Variants in EXOC6B observed in about 807,000 individuals in gnomAD.
The protein encoded by EXOC6B is exocyst complex component 6B.
In EXOC6B, 54 loss-of-function variants were observed where a neutral mutation model predicts 113.5. The observed-to-expected ratio is 0.48, with a 90% CI of 0.38 to 0.60. The LOEUF (loss-of-function observed/expected upper bound fraction) is 0.60, where lower values mean the gene tolerates loss of function less well. Ranked by LOEUF, EXOC6B falls within the 20% of genes least tolerant of loss-of-function variation. The probability of loss-of-function intolerance (pLI) is 0.00; values close to 1 mark genes in which losing one functional copy is unlikely to be tolerated. For synonymous variants in EXOC6B, 357 were observed against 339.0 expected (o/e 1.05, Z -0.58); for missense variants, 797 against 977.5 (o/e 0.82, Z 2.46).
intron 7 of EXOC6B, among the ~76,000 whole-genome samples, chr2:72,562,081 CTG>C (rs1703920444): frequency 1.3e-5 from 2 of 152,134 alleles, no homozygotes; most frequent in Non-Finnish European, 2.9e-5. Context: ...GGAATGAACA[CTG>C]TGAGGAACCA....
intron 17 of EXOC6B, among the ~76,000 whole-genome samples, chr2:72,478,842 C>T (rs539506832): frequency 4.3e-4 from 65 of 152,326 alleles, no homozygotes; most frequent in Middle Eastern, 3.4e-3. Context: ...CCCTAACTCC[C>T]TATTATCTAC....
intron 20 of EXOC6B, among the ~76,000 whole-genome samples, chr2:72,235,279 A>T (rs1050163000): frequency 6.6e-6 from 1 of 152,186 alleles, no homozygotes; most frequent in Non-Finnish European, 1.5e-5. Context: ...CCATAATACT[A>T]AGTGAACTAA....
At position 72,442,150 on chromosome 2, in the gene EXOC6B, C is replaced by T. The variant is rs142769103; in HGVS notation, c.1980+23010G>A. 6.3e-3 allele frequency among the ~76,000 whole-genome samples: 965 copies of T among 152,144 alleles called. 5 individuals carry two copies. Among genetic ancestry groups the T allele is most frequent in the Non-Finnish European group, 0.012 (782 of 67,996 alleles). ...ACATAAACAGAACTAAAGAGAAAAA[C>T]CACATGATTATCTCAATAGGTGCAA... On this transcript the variant is annotated intron_variant, in intron 18 of 21. Transcript: ENST00000272427.
rs138446403 is a variant in EXOC6B at position 72,358,256 on chromosome 2, A to C, written c.2122+21473T>G. Among the ~76,000 whole-genome samples, 844 of 152,292 alleles carry C rather than the reference A, an allele frequency of 5.5e-3. 8 individuals are homozygous for C. Among genetic ancestry groups the C allele is most frequent in the African/African-American group, 0.019 (787 of 41,568 alleles). On this transcript the variant is annotated intron_variant, in intron 19 of 21. Coordinates refer to ENST00000272427, the MANE Select transcript of EXOC6B (RefSeq NM_015189.3). Reference sequence around the variant, plus strand: ...AACAACTCTCCACAGACATAAAGCTATCCACGTGCTCCCCCTTCTCATAAT... The same window carrying C: ...AACAACTCTCCACAGACATAAAGCTCTCCACGTGCTCCCCCTTCTCATAAT...
At chr2:72,747,600 C>G in intron 1 of EXOC6B, among the ~76,000 whole-genome samples, 1 of 152,020 alleles carries the variant, frequency 6.6e-6, no homozygotes. Context: ...TATTCTGCTA[C>G]TTGCAAAGGA....
At chr2:72,708,924 T>TG (rs66940918) in intron 6 of EXOC6B, among the ~76,000 whole-genome samples, 7 of 146,712 alleles carry the variant, frequency 4.8e-5, no homozygotes, top group Non-Finnish European at 9.0e-5. Flanking sequence ...TTTTTTTTTT[T>TG]GTAGAGACAA....
At chr2:72,294,079 A>G (rs76587552) in intron 20 of EXOC6B, among the ~76,000 whole-genome samples, 2,213 of 145,942 alleles carry the variant, frequency 0.015, 42 homozygotes, top group African/African-American at 0.045. Context: ...GGAACCAGTG[A>G]AAAAAAAAAA....
chr2:72,616,407 C>G (rs773634476), intron 6 of EXOC6B, among the ~76,000 whole-genome samples: 1 of 152,170 alleles, frequency 6.6e-6, no homozygotes, highest in Non-Finnish European at 1.5e-5. Context: ...ACCAAGTGAG[C>G]AGGGTATGTG....
intron 6 of EXOC6B, among the ~76,000 whole-genome samples, chr2:72,577,993 A>T (rs996249222): frequency 1.3e-5 from 2 of 152,088 alleles, no homozygotes; most frequent in Admixed American, 1.3e-4. Flanking sequence ...CTTTCTCAAG[A>T]GTACTTCATA....
chr2:72,406,669 C>A (rs189087034), intron 18 of EXOC6B, among the ~76,000 whole-genome samples: 75 of 152,212 alleles, frequency 4.9e-4, no homozygotes, highest in Non-Finnish European at 9.1e-4. Flanking sequence ...AACAAAGACA[C>A]AACATACCAG....
At chr2:72,610,216 A>G (rs1420123863) in intron 6 of EXOC6B, among the ~76,000 whole-genome samples, 1 of 152,224 alleles carries the variant, frequency 6.6e-6, no homozygotes, top group African/African-American at 2.4e-5. Context: ...AACCATTTAA[A>G]AGATATAAAA....
chr2:72,754,264 G>A (rs1682254030), intron 1 of EXOC6B, among the ~76,000 whole-genome samples: 1 of 152,132 alleles, frequency 6.6e-6, no homozygotes, highest in Non-Finnish European at 1.5e-5. Flanking sequence ...GCCACGAAGA[G>A]CTTAAGCTTG....
At chr2:72,309,979 G>C (rs1392249872) in intron 20 of EXOC6B, among the ~76,000 whole-genome samples, 1 of 151,958 alleles carries the variant, frequency 6.6e-6, no homozygotes, top group Non-Finnish European at 1.5e-5. Context: ...CATTTCTTTT[G>C]ATGGCTGAAT....
At chr2:72,673,022 C>A (rs990481384) in intron 6 of EXOC6B, among the ~76,000 whole-genome samples, 1 of 151,914 alleles carries the variant, frequency 6.6e-6, no homozygotes, top group African/African-American at 2.4e-5. Flanking sequence ...ATGAATGTAT[C>A]AAATTATCAC....
At chr2:72,368,699 G>T (rs550408907) in intron 19 of EXOC6B, among the ~76,000 whole-genome samples, 2 of 152,162 alleles carry the variant, frequency 1.3e-5, no homozygotes, top group African/African-American at 4.8e-5. Context: ...GGGATGCAAG[G>T]CTGGTCCAAC....
intron 20 of EXOC6B, among the ~76,000 whole-genome samples, chr2:72,253,468 G>A (rs1375847995): frequency 7.9e-5 from 12 of 152,110 alleles, no homozygotes; most frequent in African/African-American, 2.7e-4. Context: ...ATGGTAGGCC[G>A]GATAGGAAAA....
At chr2:72,455,228 AT>A (rs1697150876) in intron 18 of EXOC6B, among the ~76,000 whole-genome samples, 1 of 152,180 alleles carries the variant, frequency 6.6e-6, no homozygotes, top group Non-Finnish European at 1.5e-5. Context: ...AATTACAGTC[AT>A]TTTTATCAGC....
intron 1 of EXOC6B, among the ~76,000 whole-genome samples, chr2:72,821,101 C>A (rs1463849212): frequency 6.6e-6 from 1 of 151,994 alleles, no homozygotes; most frequent in Admixed American, 6.6e-5. Context: ...AATCATATAT[C>A]TGATAACAGG....
At chr2:72,571,442 T>G (rs535838472) in intron 7 of EXOC6B, among the ~76,000 whole-genome samples, 2 of 152,270 alleles carry the variant, frequency 1.3e-5, no homozygotes, top group East Asian at 3.9e-4. Flanking sequence ...TGGTTAAATA[T>G]CAGCAGCTTC....
Sources: gnomAD v4.1 joint callset for allele counts (sites outside exome capture counted in the v4.1 genomes callset) on GRCh38, gnomAD v4.1.1 for gene constraint, MANE v1.5 for transcripts, NCBI Gene and HGNC (gene_info 2026-07-23, HGNC 2026-07-21) for gene names.